AP1G1: variants seen among roughly 807,000 people sequenced by gnomAD.
The protein encoded by AP1G1 is AP-1 complex subunit gamma-1.
In AP1G1, 7 loss-of-function variants were observed where a neutral mutation model predicts 108.3. That is an observed-to-expected ratio of 0.06 (90% CI 0.04 to 0.12). AP1G1 has a LOEUF of 0.12. Ranked by LOEUF, AP1G1 falls within the 10% of genes least tolerant of loss-of-function variation. AP1G1 has a pLI of 1.00. For missense variants in AP1G1, 756 were observed against 1,010.7 expected (o/e 0.75, Z 3.42); for synonymous variants, 379 against 353.5 (o/e 1.07, Z -0.81).
At chr16:71,758,763 A>C in intron 11 of AP1G1, 45 bp downstream of exon 11, 335 of 1,202,512 alleles carry the variant, frequency 2.8e-4, no homozygotes, top group Non-Finnish European at 3.8e-4. Flanking sequence ...TCTGTCACTC[A>C]ATTTACCAAA....
chr16:71,769,815 T>C (rs1183905916), intron 5 of AP1G1, 116 bp from the exon 6 acceptor site: 3 of 774,180 alleles, frequency 3.9e-6, no homozygotes, highest in Non-Finnish European at 6.4e-6. Context: ...TTTTGCTTTT[T>C]AATCCCCCAA....
intron 9 of AP1G1, among the ~76,000 whole-genome samples, chr16:71,763,016 C>T (rs938611746): frequency 1.3e-5 from 2 of 152,176 alleles, no homozygotes; most frequent in African/African-American, 4.8e-5. Context: ...AGATACCCAG[C>T]TGGTATTCAC....
intron 2 of AP1G1, among the ~76,000 whole-genome samples, chr16:71,779,443 C>T (rs2031919364): frequency 6.6e-6 from 1 of 152,022 alleles, no homozygotes; most frequent in South Asian, 2.1e-4. Context: ...CACGTTCAAG[C>T]AGTTCTCGTG....
intron 19 of AP1G1, among the ~76,000 whole-genome samples, chr16:71,741,461 T>C (rs763789912): frequency 2.0e-5 from 3 of 152,126 alleles, no homozygotes; most frequent in African/African-American, 4.8e-5. Context: ...CACGCGCCTA[T>C]AGTCCCAGCC....
chr16:71,807,763 A>G, intron 1 of AP1G1: 1 of 1,259,114 alleles, frequency 7.9e-7, no homozygotes. Flanking sequence ...TCTGTTAACT[A>G]ATCACTGTAA....
intron 1 of AP1G1, chr16:71,808,299 G>A: frequency 5.0e-6 from 4 of 799,764 alleles, no homozygotes; most frequent in Non-Finnish European, 5.0e-6. Flanking sequence ...GGACGGCACT[G>A]CAGGGGCAGG....
chr16:71,754,553 T>TA (rs1415067123), intron 12 of AP1G1, among the ~76,000 whole-genome samples: 1 of 152,150 alleles, frequency 6.6e-6, no homozygotes, highest in African/African-American at 2.4e-5. Context: ...TCCCAGTACT[T>TA]TGGGACGCCA....
At chr16:71,748,157 G>A in intron 16 of AP1G1, 94 bp downstream of exon 16, 5 of 1,345,644 alleles carry the variant, frequency 3.7e-6, no homozygotes, top group Non-Finnish European at 5.1e-6. Flanking sequence ...TTTTGTCTAT[G>A]CTTGAAATTT....
rs201126505 is a variant in AP1G1, at chr16:71,771,273, GAAC to G, written c.469-24_469-22del. 2,724 of 1,389,030 alleles carry G rather than the reference GAAC, an allele frequency of 2.0e-3. 43 individuals carry two copies. The African/African-American group carries it at 0.033, about 17-fold the overall frequency. The allele number at this position is 1,389,030 out of a possible 1,614,324, so 86.0% of individuals were successfully genotyped here. A position where few individuals can be genotyped will look rare whatever the true frequency, so the allele number is the denominator to read the frequency against. On this transcript the variant is annotated intron_variant, in intron 4 of 22. Transcript: ENST00000299980. ...GCTGCCTATGAAAAAAAAAATAAAAGAACAAAAGGTTTATTTCAATTATGCCAG... is the reference window on the plus strand; with the variant it reads ...GCTGCCTATGAAAAAAAAAATAAAAGAAAAGGTTTATTTCAATTATGCCAG...
intron 13 of AP1G1, chr16:71,753,496 G>A: frequency 5.0e-6 from 1 of 199,206 alleles, no homozygotes; most frequent in Non-Finnish European, 1.0e-5. Flanking sequence ...TTGCACTTAG[G>A]GTTCCCTCCG....
At chr16:71,775,381 C>T (rs1023688036) in intron 2 of AP1G1, among the ~76,000 whole-genome samples, 2 of 152,070 alleles carry the variant, frequency 1.3e-5, no homozygotes, top group African/African-American at 4.8e-5. Context: ...CTTTGGATAT[C>T]TTAATAGAAA....
chr16:71,746,704 A>G lies in AP1G1; in HGVS notation c.1626-12T>C, dbSNP rs771907532. ...CTTTCTTAATTCGGCTATAGATAAA[A>G]TGACAAACGAAATAAAATACCCAAA... On this transcript the variant is annotated splice_polypyrimidine_tract_variant and intron_variant, in intron 16 of 22. Coordinates refer to ENST00000299980, the MANE Select transcript of AP1G1 (RefSeq NM_001128.6). 1.9e-4 allele frequency: 306 copies of G among 1,584,996 alleles called. No individual in the cohort carries two copies. The highest frequency in any genetic ancestry group is 2.5e-4 in the Non-Finnish European group (294 of 1,159,326).
chr16:71,755,319 C>T (rs2030722747), intron 12 of AP1G1, among the ~76,000 whole-genome samples: 1 of 152,068 alleles, frequency 6.6e-6, no homozygotes, highest in South Asian at 2.1e-4. Context: ...AGCCTATGGT[C>T]CCAGCTACTT....
At position 71,808,802 on chromosome 16, in the gene AP1G1, G is replaced by GGCGGCA; in HGVS notation, c.-49_-44dup. The GGCGGCA allele has an allele frequency of 1.6e-6, 2 of 1,289,712 alleles. No homozygotes were observed. The highest frequency in any genetic ancestry group is 2.0e-6 in the Non-Finnish European group (2 of 988,802). The allele number at this position is 1,289,712 out of a possible 1,614,324, so 79.9% of individuals were successfully genotyped here. ...GAATGAAACCAGCAGCTCCGGGGGC[G>GGCGGCA]GCGGCAGCAGTGGCAGCAGGAACCG... On this transcript the variant is annotated 5_prime_UTR_variant, in exon 1 of 23. Transcript: ENST00000299980.
intron 9 of AP1G1, among the ~76,000 whole-genome samples, chr16:71,763,807 T>C (rs1242314632): frequency 1.3e-5 from 2 of 152,136 alleles, no homozygotes; most frequent in African/African-American, 2.4e-5. Flanking sequence ...TAATAAATGA[T>C]AGAATGAACA....
chr16:71,800,755 C>T (rs567261084), intron 1 of AP1G1, among the ~76,000 whole-genome samples: 2 of 151,848 alleles, frequency 1.3e-5, no homozygotes, highest in Admixed American at 6.6e-5. Flanking sequence ...GAGCTGGGAT[C>T]GCGCCACTGC....
intron 6 of AP1G1, chr16:71,767,917 A>C (rs2031380437): frequency 6.3e-7 from 1 of 1,598,032 alleles, no homozygotes; most frequent in African/African-American, 1.3e-5. Flanking sequence ...AACAGACAAC[A>C]GGAACAAAAC....
At chr16:71,785,661 G>C (rs1432857377) in intron 2 of AP1G1, among the ~76,000 whole-genome samples, 1 of 150,400 alleles carries the variant, frequency 6.6e-6, no homozygotes, top group Non-Finnish European at 1.5e-5. Flanking sequence ...GAGGCGGGCA[G>C]ATCACGAGGT....
At chr16:71,748,461 C>A in intron 15 of AP1G1, 83 bp from the exon 16 acceptor site, 2 of 1,459,464 alleles carry the variant, frequency 1.4e-6, no homozygotes, top group South Asian at 1.3e-5. Flanking sequence ...TCAGGGGAAG[C>A]AGCCAGAAAG....
Sources: allele counts gnomAD v4.1 joint callset (sites outside exome capture counted in the v4.1 genomes callset), GRCh38; gene constraint gnomAD v4.1.1; transcripts MANE v1.5; gene names NCBI Gene and HGNC (gene_info 2026-07-23, HGNC 2026-07-21).